The following ERBIN variants were observed in gnomAD, a reference collection of about 807,000 sequenced individuals.
The protein encoded by ERBIN is erbb2 interacting protein.
A neutral mutation model predicts 158.4 loss-of-function variants in ERBIN; 60 were observed. The observed-to-expected ratio is 0.38, with a 90% CI of 0.31 to 0.47. ERBIN has a LOEUF of 0.47. Among genes scored for constraint, ERBIN ranks in the 20% least tolerant of loss-of-function variants. ERBIN has a pLI of 0.99. For missense variants in ERBIN, 1,610 were observed against 1,648.0 expected (o/e 0.98, Z 0.40); for synonymous variants, 594 against 557.2 (o/e 1.07, Z -0.93).
intron 4 of ERBIN, among the ~76,000 whole-genome samples, chr5:66,006,796 T>C (rs1472205293): frequency 2.0e-5 from 3 of 152,016 alleles, no homozygotes; most frequent in Non-Finnish European, 4.4e-5. Context: ...AAAGTGCTCA[T>C]CATCACTGGC....
intron 1 of ERBIN, among the ~76,000 whole-genome samples, chr5:65,982,478 G>C (rs988795464): frequency 3.3e-5 from 5 of 152,006 alleles, no homozygotes; most frequent in African/African-American, 1.2e-4. Flanking sequence ...GTGTACTCTC[G>C]ATCACAGTAA....
intron 1 of ERBIN, among the ~76,000 whole-genome samples, chr5:65,977,249 AC>A (rs1257279058): frequency 5.4e-5 from 6 of 110,840 alleles, no homozygotes; most frequent in South Asian, 3.0e-4. Context: ...CGGGGGGCTG[AC>A]CCCCCCACCT....
chr5:65,952,478 G>A (rs1746628697), intron 1 of ERBIN, among the ~76,000 whole-genome samples: 1 of 152,058 alleles, frequency 6.6e-6, no homozygotes, highest in Admixed American at 6.6e-5. Context: ...TACCACCTCA[G>A]CCTGCCAAGT....
chr5:65,946,854 A>G (rs999571903), intron 1 of ERBIN, among the ~76,000 whole-genome samples: 9 of 147,186 alleles, frequency 6.1e-5, no homozygotes, highest in Non-Finnish European at 1.3e-4. Flanking sequence ...TCATCATGGT[A>G]TTTCATGTTA....
intron 1 of ERBIN, among the ~76,000 whole-genome samples, chr5:65,976,610 C>T (rs1749897823): frequency 1.3e-5 from 2 of 150,210 alleles, no homozygotes; most frequent in African/African-American, 2.5e-5. Context: ...GGAAGGTCAG[C>T]AGATAAACAA....
intron 4 of ERBIN, among the ~76,000 whole-genome samples, chr5:66,010,045 A>G (rs1754040322): frequency 6.6e-6 from 1 of 152,184 alleles, no homozygotes; most frequent in South Asian, 2.1e-4. Flanking sequence ...TTGCATTCTT[A>G]CCAGCAATGT....
intron 21 of ERBIN, chr5:66,068,850 T>C (rs967004139): frequency 4.0e-6 from 6 of 1,509,614 alleles, no homozygotes; most frequent in Admixed American, 2.1e-5. Context: ...CACTAATCTC[T>C]GTTAAATCTA....
rs533995426 is a variant in ERBIN, at chr5:66,069,544, C to T, written c.3634-2625C>T. ...CAAAGCACAAATCCTTTCTTACTCA[C>T]ATTTTACTAAACATTTCCTTAGTAG... On this transcript the variant is annotated intron_variant, in intron 21 of 25. Transcript: ENST00000284037. Among the ~76,000 whole-genome samples, 5 of 152,176 alleles carry T rather than the reference C, an allele frequency of 3.3e-5. 1 individual carries two copies. The South Asian group carries it at 1.0e-3, about 32-fold the overall frequency.
intron 19 of ERBIN, among the ~76,000 whole-genome samples, chr5:66,050,223 A>ATTTT (rs1758877152): frequency 4.1e-5 from 1 of 24,418 alleles, no homozygotes. Flanking sequence ...ACTAAATCGA[A>ATTTT]TTCTTTTTTT....
intron 1 of ERBIN, among the ~76,000 whole-genome samples, chr5:65,968,436 T>G (rs1409391133): frequency 6.6e-6 from 1 of 152,190 alleles, no homozygotes; most frequent in Non-Finnish European, 1.5e-5. Flanking sequence ...TTACCAGACT[T>G]TGAGAGGCTC....
chr5:65,985,157 A>G (rs1388949304), intron 1 of ERBIN, among the ~76,000 whole-genome samples: 2 of 152,194 alleles, frequency 1.3e-5, no homozygotes, highest in African/African-American at 4.8e-5. Flanking sequence ...GCAGTGGCGC[A>G]ATCTTGGCTC....
At chr5:66,044,029 T>C (rs1758171792) in intron 16 of ERBIN, 108 bp from the exon 17 acceptor site, 4 of 724,040 alleles carry the variant, frequency 5.5e-6, no homozygotes, top group Non-Finnish European at 8.3e-6. Context: ...CAGTTATCCC[T>C]ATGAGCTTGA....
intron 21 of ERBIN, chr5:66,055,176 ATTAATT>A: frequency 9.1e-7 from 1 of 1,096,150 alleles, no homozygotes; most frequent in Non-Finnish European, 1.2e-6. Context: ...ACAAAAATGT[ATTAATT>A]TTATATGTTT....
intron 21 of ERBIN, among the ~76,000 whole-genome samples, chr5:66,069,629 A>G (rs982338013): frequency 6.6e-6 from 1 of 152,232 alleles, no homozygotes; most frequent in Admixed American, 6.5e-5. Flanking sequence ...AAAGGCAGAG[A>G]AAGAAAGAAC....
At chr5:66,019,391 A>G (rs570129106) in intron 7 of ERBIN, among the ~76,000 whole-genome samples, 5 of 152,344 alleles carry the variant, frequency 3.3e-5, no homozygotes, top group African/African-American at 9.6e-5. Flanking sequence ...GCACAGTACT[A>G]AGAACACAAA....
In ERBIN at chr5:65,947,122, C is replaced by A. The variant is rs574534185; in HGVS notation, c.-58+20316C>A. 8.3e-4 allele frequency among the ~76,000 whole-genome samples: 127 copies of A among 152,172 alleles called. 1 individual carries two copies. Among genetic ancestry groups the A allele is most frequent in the African/African-American group, 3.0e-3 (123 of 41,540 alleles). On this transcript the variant is annotated intron_variant, in intron 1 of 25. Coordinates refer to ENST00000284037, the MANE Select transcript of ERBIN (RefSeq NM_001253697.2). Reference sequence around the variant, plus strand: ...TTTTGATGAAATCCCATTTATTATTCTTTTATGGATTGTGCTTCTGTTGTG... The same window carrying A: ...TTTTGATGAAATCCCATTTATTATTATTTTATGGATTGTGCTTCTGTTGTG...
At chr5:65,969,255 T>C (rs1748992203) in intron 1 of ERBIN, among the ~76,000 whole-genome samples, 1 of 152,138 alleles carries the variant, frequency 6.6e-6, no homozygotes. Context: ...ATATATAAAA[T>C]ATTTTCAAAG....
chr5:66,037,816 G>C (rs1309739626), intron 14 of ERBIN, among the ~76,000 whole-genome samples: 1 of 152,044 alleles, frequency 6.6e-6, no homozygotes, highest in Admixed American at 6.6e-5. Flanking sequence ...GAAAAAAGAA[G>C]GTCCAAATTT....
At chr5:66,036,367 T>TG (rs1315322632) in intron 14 of ERBIN, among the ~76,000 whole-genome samples, 1 of 152,210 alleles carries the variant, frequency 6.6e-6, no homozygotes, top group Non-Finnish European at 1.5e-5. Flanking sequence ...CTGCTCATCT[T>TG]GTGGCTTCAT....
Sources: gnomAD v4.1 joint callset for allele counts (sites outside exome capture counted in the v4.1 genomes callset) on GRCh38, gnomAD v4.1.1 for gene constraint, MANE v1.5 for transcripts, NCBI Gene and HGNC (gene_info 2026-07-23, HGNC 2026-07-21) for gene names.